Variants in DPP6 observed in about 807,000 individuals in gnomAD.
DPP6 encodes the protein dipeptidyl peptidase like 6, also known as A-type potassium channel modulatory protein DPP6.
DPP6 carries 69 observed loss-of-function variants against 122.6 expected under a neutral mutation model. That is an observed-to-expected ratio of 0.56 (90% CI 0.46 to 0.69). DPP6 has a LOEUF of 0.69. DPP6 is among the 30% of genes least tolerant of loss of function. The pLI, the probability that DPP6 is intolerant of heterozygous loss-of-function variation, is 0.00. For missense variants in DPP6, 928 were observed against 1,116.9 expected (o/e 0.83, Z 2.41); for synonymous variants, 418 against 433.1 (o/e 0.97, Z 0.43).
intron 1 of DPP6, among the ~76,000 whole-genome samples, chr7:154,242,708 G>T (rs540198237): frequency 4.5e-4 from 68 of 152,330 alleles, no homozygotes; most frequent in African/African-American, 1.5e-3. Flanking sequence ...GATTGGAGCT[G>T]TGGTCTCAGA....
At chr7:154,542,630 C>T (rs950966680) in intron 4 of DPP6, among the ~76,000 whole-genome samples, 2 of 152,190 alleles carry the variant, frequency 1.3e-5, no homozygotes, top group Non-Finnish European at 2.9e-5. Context: ...CTCAGAAATT[C>T]GCTGGCTTAT....
At chr7:154,456,011 T>G (rs1462290988) in intron 2 of DPP6, among the ~76,000 whole-genome samples, 1 of 152,156 alleles carries the variant, frequency 6.6e-6, no homozygotes, top group African/African-American at 2.4e-5. Context: ...GCTAGTTTAG[T>G]GAAGACTCTG....
intron 4 of DPP6, among the ~76,000 whole-genome samples, chr7:154,546,227 A>G (rs554022838): frequency 5.0e-4 from 76 of 152,218 alleles, no homozygotes; most frequent in Non-Finnish European, 9.3e-4. Flanking sequence ...GCTAACAACT[A>G]TATATATTGA....
At chr7:154,507,822 A>G (rs1220846016) in intron 3 of DPP6, among the ~76,000 whole-genome samples, 4 of 146,470 alleles carry the variant, frequency 2.7e-5, no homozygotes, top group African/African-American at 5.0e-5. Flanking sequence ...ACATGGCTCT[A>G]TAATATTAAG....
chr7:154,135,158 C>G (rs1795483447), intron 1 of DPP6, among the ~76,000 whole-genome samples: 1 of 152,060 alleles, frequency 6.6e-6, no homozygotes, highest in Non-Finnish European at 1.5e-5. Flanking sequence ...GTGTACACTT[C>G]CTGTGAGCAC....
chr7:153,873,030 C>G, the DPP6 span, among the ~76,000 whole-genome samples: 1 of 152,216 alleles, frequency 6.6e-6, no homozygotes, highest in African/African-American at 2.4e-5. Context: ...CCAGGCTGTA[C>G]AAGTAGCATG....
intron 1 of DPP6, among the ~76,000 whole-genome samples, chr7:154,321,039 A>G (rs962861482): frequency 1.3e-5 from 2 of 152,170 alleles, no homozygotes; most frequent in Non-Finnish European, 2.9e-5. Flanking sequence ...TATTCTCTGC[A>G]TTGATAGAAT....
chr7:154,053,096 G>T lies in DPP6; in HGVS notation c.243+33G>T, dbSNP rs1197258585. ...CTTCTCGGGGGCGGGGGGCGGCGGC[G>T]GGTTCTCCGGGCTGAGCGCGCAGCG... is the stretch of plus-strand genomic sequence containing the variant. On this transcript the variant is annotated intron_variant, in intron 1 of 25. Coordinates refer to ENST00000377770, the MANE Select transcript of DPP6 (RefSeq NM_130797.4). 2.5e-5 allele frequency: 27 copies of T among 1,072,250 alleles called. No homozygotes were observed. In the Admixed American group the frequency reaches 1.3e-3, roughly 52 times the overall value. The allele number at this position is 1,072,250 out of a possible 1,614,324, so 66.4% of individuals were successfully genotyped here.
At chr7:153,774,897 G>C in the DPP6 span, among the ~76,000 whole-genome samples, 548 of 152,082 alleles carry the variant, frequency 3.6e-3, 6 homozygotes, top group African/African-American at 0.012. Flanking sequence ...GAGCCCAGGA[G>C]TTCAAGGCTG....
the DPP6 span, among the ~76,000 whole-genome samples, chr7:153,855,318 C>A: frequency 6.6e-6 from 1 of 151,986 alleles, no homozygotes; most frequent in Non-Finnish European, 1.5e-5. Flanking sequence ...AAGTTCCTTG[C>A]TTTTCCATAT....
intron 1 of DPP6, among the ~76,000 whole-genome samples, chr7:154,118,183 G>A (rs1255580422): frequency 2.0e-5 from 3 of 150,952 alleles, no homozygotes; most frequent in African/African-American, 7.4e-5. Flanking sequence ...CCTCCTAGAG[G>A]CAGGGCACAT....
intron 1 of DPP6, among the ~76,000 whole-genome samples, chr7:154,233,297 A>G (rs1178706808): frequency 6.6e-6 from 1 of 152,236 alleles, no homozygotes; most frequent in Admixed American, 6.5e-5. Flanking sequence ...TGCTCATTCA[A>G]TAATAATCTG....
At chr7:154,586,894 G>A (rs1832490680) in intron 5 of DPP6, among the ~76,000 whole-genome samples, 2 of 152,180 alleles carry the variant, frequency 1.3e-5, no homozygotes, top group Admixed American at 1.3e-4. Flanking sequence ...AAGGAGCTGT[G>A]AGCCCCTCAT....
intron 1 of DPP6, among the ~76,000 whole-genome samples, chr7:154,163,563 G>A (rs10952463): frequency 0.16 from 24,058 of 151,692 alleles, 2,981 homozygotes; most frequent in African/African-American, 0.35. Context: ...AGATGTATAC[G>A]CACTGTAGTT....
intron 1 of DPP6, among the ~76,000 whole-genome samples, chr7:153,977,638 A>C (rs1281032683): frequency 6.6e-6 from 1 of 152,042 alleles, no homozygotes; most frequent in Non-Finnish European, 1.5e-5. Flanking sequence ...TACATGTGCC[A>C]TGGTGGTTTG....
intron 10 of DPP6, among the ~76,000 whole-genome samples, chr7:154,779,128 CACCGCTAT>C (rs1796845748): frequency 4.4e-5 from 4 of 89,940 alleles, no homozygotes; most frequent in Admixed American, 1.2e-4. Context: ...CCACCACTAT[CACCGCTAT>C]CACCACCACC....
At chr7:153,988,098 G>T (rs1180098678) in intron 1 of DPP6, among the ~76,000 whole-genome samples, 1 of 152,186 alleles carries the variant, frequency 6.6e-6, no homozygotes, top group African/African-American at 2.4e-5. Flanking sequence ...ATTCCAGAGG[G>T]GATGGGATTG....
At chr7:153,884,844 G>C (rs1798848180), upstream of DPP6, among the ~76,000 whole-genome samples, 1 of 151,648 alleles carries the variant, frequency 6.6e-6, no homozygotes, top group South Asian at 2.1e-4. Context: ...GCTGGGCGTG[G>C]TGGTGGGCAC....
At chr7:154,134,607 C>G (rs1380776963) in intron 1 of DPP6, among the ~76,000 whole-genome samples, 1 of 152,164 alleles carries the variant, frequency 6.6e-6, no homozygotes, top group Non-Finnish European at 1.5e-5. Context: ...TTTTCTTCCT[C>G]AAGAAGCCTT....
Sources: gnomAD v4.1 joint callset for allele counts (sites outside exome capture counted in the v4.1 genomes callset) on GRCh38, gnomAD v4.1.1 for gene constraint, MANE v1.5 for transcripts, NCBI Gene and HGNC (gene_info 2026-07-23, HGNC 2026-07-21) for gene names.